Variants in ERICH3 observed in about 807,000 individuals in gnomAD.
The protein encoded by ERICH3 is glutamate rich 3, also known as glutamate-rich protein 3.
Under a neutral mutation model 131.1 loss-of-function variants are expected in ERICH3, and 126 were observed. The observed-to-expected ratio is 0.96, with a 90% CI of 0.83 to 1.11. The LOEUF is 1.11. ERICH3 is among the 50% of genes most tolerant of loss of function. The probability of loss-of-function intolerance (pLI) is 0.00; values close to 1 mark genes in which losing one functional copy is unlikely to be tolerated. For missense variants in ERICH3, 2,050 were observed against 1,810.7 expected, an observed-to-expected ratio of 1.13 and a Z score of -2.40; for synonymous variants, 695 against 644.6, an observed-to-expected ratio of 1.08 and a Z score of -1.18.
At chr1:74,597,193 C>T (rs990495382) in intron 11 of ERICH3, among the ~76,000 whole-genome samples, 1 of 151,966 alleles carries the variant, frequency 6.6e-6, no homozygotes, top group Non-Finnish European at 1.5e-5. Context: ...GCTACTTGTT[C>T]GCTGGATAAA....
chr1:74,626,743 G>T (rs1649429297), intron 7 of ERICH3, among the ~76,000 whole-genome samples: 1 of 152,108 alleles, frequency 6.6e-6, no homozygotes, highest in African/African-American at 2.4e-5. Context: ...TTCTGTAAAT[G>T]CAGTATAAAG....
chr1:74,587,202 G>A (rs1186606957), intron 12 of ERICH3, among the ~76,000 whole-genome samples: 2 of 151,494 alleles, frequency 1.3e-5, no homozygotes, highest in Non-Finnish European at 2.9e-5. Flanking sequence ...GCGAGCACCT[G>A]TAGTCTCAGC....
chr1:74,571,729 T>C lies in ERICH3; in HGVS notation c.3981A>G (p.Gln1327=). ...TTCCTCCTCCCATGCCCTCATTCTTTTGTGTGTTTCCTTCTCCTTCCATGT... is the reference window on the plus strand; with the variant it reads ...TTCCTCCTCCCATGCCCTCATTCTTCTGTGTGTTTCCTTCTCCTTCCATGT... ...DGDMEGEGNT[Q]KNEGMGGGRV... is the part of the protein sequence containing the mutation. The change falls in exon 14 of 15, where the codon CAA becomes CAG. Residue 1327 remains glutamine (Q), a synonymous_variant. Coordinates refer to ENST00000326665, the MANE Select transcript of ERICH3 (RefSeq NM_001002912.5). 1 of 1,614,158 alleles carries C rather than the reference T, an allele frequency of 6.2e-7. No individual in the cohort carries two copies. The highest frequency in any genetic ancestry group is 1.3e-5 in the African/African-American group (1 of 75,046).
chr1:74,589,884 T>A lies in ERICH3; in HGVS notation c.1923A>T (p.Glu641Asp), dbSNP rs775302872. The change falls in exon 12 of 15, where the codon GAA becomes GAT. Residue 641 changes from glutamate to aspartate, a missense_variant. Transcript: ENST00000326665. Reference protein sequence around the residue: ...KSHLPIEESLEIEIEDQEITK... With the variant: ...KSHLPIEESLDIEIEDQEITK... Reference sequence around the variant, plus strand: ...TTATTTCTTGGTCTTCAATTTCAATTTCTAAGGATTCCTCAATTGGAAGGT... The same window carrying A: ...TTATTTCTTGGTCTTCAATTTCAATATCTAAGGATTCCTCAATTGGAAGGT... 6.2e-7 allele frequency: 1 copy of A among 1,614,076 alleles called. No homozygotes were observed. Among genetic ancestry groups the A allele is most frequent in the Admixed American group, 1.7e-5 (1 of 60,012 alleles).
chr1:74,600,665 T>C (rs1570849087), intron 10 of ERICH3, among the ~76,000 whole-genome samples: 1 of 152,006 alleles, frequency 6.6e-6, no homozygotes, highest in Middle Eastern at 3.4e-3. Flanking sequence ...TCACATCAGA[T>C]AAACTCCAGC....
intron 10 of ERICH3, 121 bp downstream of exon 10, chr1:74,606,480 C>T (rs892461238): frequency 9.7e-7 from 1 of 1,028,852 alleles, no homozygotes; most frequent in East Asian, 2.5e-5. Flanking sequence ...GTCAGGGGCA[C>T]CCCACATGTA....
intron 1 of ERICH3, among the ~76,000 whole-genome samples, chr1:74,658,645 G>A (rs887319953): frequency 1.3e-5 from 2 of 151,790 alleles, no homozygotes; most frequent in African/African-American, 2.4e-5. Flanking sequence ...CCAAATGTCT[G>A]TCATTTTTTT....
intron 12 of ERICH3, among the ~76,000 whole-genome samples, chr1:74,582,467 G>A (rs780634057): frequency 4.0e-5 from 6 of 151,754 alleles, no homozygotes; most frequent in Admixed American, 6.6e-5. Context: ...AAATACAACA[G>A]GGAAAAAAAA....
intron 12 of ERICH3, among the ~76,000 whole-genome samples, chr1:74,588,222 G>T (rs1024261043): frequency 6.6e-6 from 1 of 152,188 alleles, no homozygotes; most frequent in African/African-American, 2.4e-5. Flanking sequence ...TCTCAAATAC[G>T]TTCTTCGTGA....
intron 5 of ERICH3, among the ~76,000 whole-genome samples, chr1:74,640,438 G>A (rs1362655784): frequency 6.6e-6 from 1 of 152,102 alleles, no homozygotes; most frequent in African/African-American, 2.4e-5. Flanking sequence ...CACTATATGT[G>A]ATGAACCTAC....
chr1:74,597,981 T>C (rs1647935660), intron 11 of ERICH3, among the ~76,000 whole-genome samples: 2 of 152,000 alleles, frequency 1.3e-5, no homozygotes, highest in African/African-American at 2.4e-5. Flanking sequence ...ACTTATGCTG[T>C]AGTCTGCCAC....
At chr1:74,655,111 A>C (rs1236044995) in intron 1 of ERICH3, among the ~76,000 whole-genome samples, 1 of 152,152 alleles carries the variant, frequency 6.6e-6, no homozygotes, top group Non-Finnish European at 1.5e-5. Flanking sequence ...TAATCTCTTA[A>C]ATATATATTC....
Position 74,572,185 on chromosome 1 carries a change from T to C in ERICH3, c.3525A>G (p.Lys1175=). ...KSLENITALR[K]EGGGERLSEA... Reference sequence around the variant, plus strand: ...CACTCAGTCTTTCCCCTCCTCCTTCTTTCCTCAGAGCTGTTATGTTTTCCA... The same window carrying C: ...CACTCAGTCTTTCCCCTCCTCCTTCCTTCCTCAGAGCTGTTATGTTTTCCA... The change falls in exon 14 of 15, where the codon AAA becomes AAG. Residue 1175 remains lysine, a synonymous_variant. Coordinates refer to ENST00000326665, the MANE Select transcript of ERICH3 (RefSeq NM_001002912.5). The C allele has an allele frequency of 1.9e-6, 3 of 1,614,014 alleles. No homozygotes were observed. The highest frequency in any genetic ancestry group is 1.7e-6 in the Non-Finnish European group (2 of 1,179,966).
chr1:74,593,987 T>C (rs1171914645), intron 11 of ERICH3, among the ~76,000 whole-genome samples: 1 of 152,050 alleles, frequency 6.6e-6, no homozygotes, highest in Non-Finnish European at 1.5e-5. Context: ...AGACAGGAAA[T>C]TGTTCTCTTT....
At position 74,612,581 on chromosome 1, in the gene ERICH3, T is replaced by A. The variant is rs749487273; in HGVS notation, c.1187+42A>T. ...TAGTAAAGGCATTCAAAGAAAAATGTAGCAAAACTTGCCCTCTACCAAAGG... is the reference window on the plus strand; with the variant it reads ...TAGTAAAGGCATTCAAAGAAAAATGAAGCAAAACTTGCCCTCTACCAAAGG... On this transcript the variant is annotated intron_variant, in intron 9 of 14. Transcript: ENST00000326665. The A allele has an allele frequency of 8.2e-6, 12 of 1,468,432 alleles. No homozygotes were observed. The East Asian group carries it at 2.6e-4, about 31-fold the overall frequency. The allele number at this position is 1,468,432 out of a possible 1,614,324, so 91.0% of individuals were successfully genotyped here.
intron 6 of ERICH3, chr1:74,634,927 A>C (rs1646374857): frequency 5.1e-6 from 2 of 392,662 alleles, no homozygotes; most frequent in Non-Finnish European, 9.0e-6. Context: ...CTCACTAGGC[A>C]ACTTTCTCAT....
chr1:74,643,487 C>A (rs1646453828), intron 3 of ERICH3, among the ~76,000 whole-genome samples: 1 of 151,778 alleles, frequency 6.6e-6, no homozygotes, highest in East Asian at 1.9e-4. Context: ...ATATTTCTGG[C>A]ACATCCATAT....
At chr1:74,654,456 T>C (rs1646565792) in intron 1 of ERICH3, among the ~76,000 whole-genome samples, 1 of 151,922 alleles carries the variant, frequency 6.6e-6, no homozygotes. Context: ...CAGAATACCA[T>C]AGCCTAGGTA....
At chr1:74,606,268 T>C (rs1648388028) in intron 10 of ERICH3, among the ~76,000 whole-genome samples, 2 of 151,912 alleles carry the variant, frequency 1.3e-5, no homozygotes, top group Non-Finnish European at 2.9e-5. Context: ...AAACAGTACA[T>C]TCAAAAACTT....
Sources: gnomAD v4.1 joint callset for allele counts (sites outside exome capture counted in the v4.1 genomes callset) on GRCh38, gnomAD v4.1.1 for gene constraint, MANE v1.5 for transcripts, NCBI Gene and HGNC (gene_info 2026-07-23, HGNC 2026-07-21) for gene names.